USP33: variants seen among roughly 807,000 people sequenced by gnomAD.
The protein encoded by USP33 is ubiquitin carboxyl-terminal hydrolase 33.
In USP33, 46 loss-of-function variants were observed where a neutral mutation model predicts 124.2. That is an observed-to-expected ratio of 0.37 (90% confidence interval 0.29 to 0.47). The LOEUF (loss-of-function observed/expected upper bound fraction) is 0.47, where lower values mean the gene tolerates loss of function less well. Among genes scored for constraint, USP33 ranks in the 20% least tolerant of loss-of-function variants. USP33 has a pLI of 0.99. For synonymous variants in USP33, 350 were observed against 352.3 expected, an observed-to-expected ratio of 0.99 and a Z score of 0.07; for missense variants, 851 against 1,070.6, an observed-to-expected ratio of 0.79 and a Z score of 2.86.
chr1:77,726,739 TAATCAA>T (rs1310575077), intron 10 of USP33, among the ~76,000 whole-genome samples: 5 of 151,914 alleles, frequency 3.3e-5, no homozygotes. Context: ...ACTAACATAA[TAATCAA>T]AATCAAGAAA....
Position 77,721,196 on chromosome 1 carries a change from ATAT to A in USP33, c.1664_1666del (p.Asn555del). The A allele has an allele frequency of 1.9e-6, 3 of 1,613,936 alleles. No homozygotes were observed. The highest frequency in any genetic ancestry group is 2.5e-6 in the Non-Finnish European group (3 of 1,179,930). On this transcript the variant is annotated inframe_deletion, in exon 15 of 24. Transcript: ENST00000370794. ...CTTTTTGCATTTTTCACAACTGTAC[ATAT>A]TGTCACCTGCAAATAAAACAGATCT... is the stretch of plus-strand genomic sequence containing the variant.
chr1:77,734,718 T>C (rs1678221489), intron 6 of USP33, among the ~76,000 whole-genome samples: 1 of 152,228 alleles, frequency 6.6e-6, no homozygotes, highest in Admixed American at 6.5e-5. Context: ...ACATTTCTTA[T>C]TATAACTAAA....
intron 1 of USP33, among the ~76,000 whole-genome samples, chr1:77,750,581 C>A (rs1680205590): frequency 1.3e-5 from 2 of 149,476 alleles, no homozygotes; most frequent in African/African-American, 2.5e-5. Flanking sequence ...AAGATTGCAC[C>A]ACTGCACTCC....
intron 22 of USP33, among the ~76,000 whole-genome samples, chr1:77,698,587 G>A (rs1328301108): frequency 1.4e-5 from 2 of 144,854 alleles, no homozygotes; most frequent in Admixed American, 7.2e-5. Flanking sequence ...TGCAAGCTCC[G>A]CCTCCCAGGT....
At chr1:77,734,207 G>A (rs1678163268) in intron 7 of USP33, 140 bp downstream of exon 7, 2 of 658,710 alleles carry the variant, frequency 3.0e-6, no homozygotes, top group Non-Finnish European at 2.6e-6. Flanking sequence ...ACATCGTTGG[G>A]ACAAGAATGG....
intron 1 of USP33, among the ~76,000 whole-genome samples, chr1:77,752,708 G>A (rs1680446664): frequency 6.6e-6 from 1 of 152,224 alleles, no homozygotes; most frequent in Non-Finnish European, 1.5e-5. Context: ...TAAAGCTACA[G>A]AAGGCAGGCT....
At chr1:77,725,520 A>C in intron 11 of USP33, 102 bp downstream of exon 11, 3 of 1,440,376 alleles carry the variant, frequency 2.1e-6, no homozygotes, top group Non-Finnish European at 2.8e-6. Flanking sequence ...TTAAAAGATC[A>C]AATCATATTT....
At chr1:77,731,680 G>A (rs889203646) in intron 7 of USP33, among the ~76,000 whole-genome samples, 16 of 152,048 alleles carry the variant, frequency 1.1e-4, no homozygotes, top group African/African-American at 3.9e-4. Flanking sequence ...CACCAATAGT[G>A]TAATCGTATC....
chr1:77,738,028 C>T (rs908485580), intron 5 of USP33, among the ~76,000 whole-genome samples: 2 of 152,244 alleles, frequency 1.3e-5, no homozygotes, highest in East Asian at 3.9e-4. Context: ...AAAGACTAAA[C>T]ATGTTTGTGA....
intron 1 of USP33, among the ~76,000 whole-genome samples, chr1:77,742,196 T>C (rs921416954): frequency 3.9e-5 from 6 of 152,176 alleles, no homozygotes; most frequent in Middle Eastern, 3.4e-3. Flanking sequence ...TTTCTACTAA[T>C]AGGACCCCCT....
chr1:77,752,353 G>A (rs1570876488), intron 1 of USP33, among the ~76,000 whole-genome samples: 2 of 150,782 alleles, frequency 1.3e-5, no homozygotes, highest in South Asian at 4.2e-4. Context: ...TACCCAGACT[G>A]GTCTCAAACT....
intron 9 of USP33, 27 bp from the exon 10 acceptor site, chr1:77,728,739 C>A (rs749338425): frequency 1.3e-5 from 20 of 1,594,348 alleles, no homozygotes; most frequent in Non-Finnish European, 1.7e-5. Flanking sequence ...ATAATGTTAA[C>A]CACTTCATTA....
At position 77,736,164 on chromosome 1, in the gene USP33, T is replaced by A. The variant is rs765281792; in HGVS notation, c.352-6A>T. On this transcript the variant is annotated splice_region_variant and splice_polypyrimidine_tract_variant and intron_variant, in intron 5 of 23. Coordinates refer to ENST00000370794, the MANE Select transcript of USP33 (RefSeq NM_201624.3). ...TTACTGGGTATTTTAAAATCCTTGA[T>A]AACAAAAAAAGATAGCACACTTGAA... 1 of 1,590,956 alleles carries A rather than the reference T, an allele frequency of 6.3e-7. No individual in the cohort carries two copies.
chr1:77,713,451 A>G (rs1349014956), intron 19 of USP33, 170 bp from the exon 20 acceptor site: 1 of 549,068 alleles, frequency 1.8e-6, no homozygotes. Context: ...TGGCATGATC[A>G]TGGCTCACAG....
intron 21 of USP33, 28 bp from the exon 22 acceptor site, chr1:77,701,499 T>C (rs1244433439): frequency 6.4e-6 from 10 of 1,567,272 alleles, no homozygotes; most frequent in East Asian, 2.2e-5. Flanking sequence ...AACAGTCATC[T>C]AATATCTAAA....
chr1:77,753,155 T>C (rs1286020862), intron 1 of USP33, among the ~76,000 whole-genome samples: 1 of 152,196 alleles, frequency 6.6e-6, no homozygotes, highest in Non-Finnish European at 1.5e-5. Context: ...ATATTCGACA[T>C]TGGGATTCAA....
At position 77,741,745 on chromosome 1, in the gene USP33, A is replaced by G. The variant is rs1679141982; in HGVS notation, c.-48T>C. ...TTCCCAAGACTTTCAAAATGAGGTA[A>G]CACCTATAAGAAAAGTAACACACAC... On this transcript the variant is annotated 5_prime_UTR_variant, in exon 2 of 24. Transcript: ENST00000370794. 1.3e-6 allele frequency: 2 copies of G among 1,591,318 alleles called. No individual in the cohort carries two copies. Among genetic ancestry groups the G allele is most frequent in the African/African-American group, 2.7e-5 (2 of 73,974 alleles).
rs1681170348 is a variant in USP33 at position 77,759,843 on chromosome 1, C to CGGTGTCTCCGGGGCCGCCGCA, written c.-253_-252insTGCGGCGGCCCCGGAGACACC. 5.1e-6 allele frequency: 2 copies of CGGTGTCTCCGGGGCCGCCGCA among 395,942 alleles called. No homozygotes were observed. The highest frequency in any genetic ancestry group is 4.4e-5 in the Admixed American group (1 of 22,636). The allele number at this position is 395,942 out of a possible 1,614,324, so 24.5% of individuals were successfully genotyped here. A position where few individuals can be genotyped will look rare whatever the true frequency, so the allele number is the denominator to read the frequency against. ...TTCCCGCAGCAGCCGCGGCTCCTTC[C>CGGTGTCTCCGGGGCCGCCGCA]GGTGTCTCCGGGGCCGCCGCAGGCG... On this transcript the variant is annotated 5_prime_UTR_variant, in exon 1 of 24. Coordinates refer to ENST00000370794, the MANE Select transcript of USP33 (RefSeq NM_201624.3).
chr1:77,728,273 G>T, intron 10 of USP33, 22 bp downstream of exon 10: 2 of 1,541,536 alleles, frequency 1.3e-6, no homozygotes, highest in South Asian at 1.3e-5. Flanking sequence ...TCATTTTCAT[G>T]AACAAACTAC....
Sources: gnomAD v4.1 joint callset for allele counts (sites outside exome capture counted in the v4.1 genomes callset) on GRCh38, gnomAD v4.1.1 for gene constraint, MANE v1.5 for transcripts, NCBI Gene and HGNC (gene_info 2026-07-23, HGNC 2026-07-21) for gene names.